PIGQ: variants seen among roughly 807,000 people sequenced by gnomAD.
The protein encoded by PIGQ is phosphatidylinositol glycan anchor biosynthesis class Q, also known as phosphatidylinositol N-acetylglucosaminyltransferase subunit Q.
PIGQ carries 54 observed loss-of-function variants against 60.3 expected under a neutral mutation model. The ratio of observed to expected loss-of-function variants is 0.90; its 90% CI spans 0.72 to 1.12. The LOEUF is 1.12. Among genes scored for constraint, PIGQ ranks in the 50% most tolerant of loss-of-function variants. The pLI, the probability that PIGQ is intolerant of heterozygous loss-of-function variation, is 0.00. For missense variants in PIGQ, 799 were observed against 793.5 expected, an observed-to-expected ratio of 1.01 and a Z score of -0.08; for synonymous variants, 416 against 363.7, an observed-to-expected ratio of 1.14 and a Z score of -1.64.
chr16:576,607 G>A lies in PIGQ; in HGVS notation c.942+353G>A, dbSNP rs1056181316. ...TCCTGGCTCTCTGGGGCCCTCTGCA[G>A]AGCCAGGGTCATGAAACCTTTCCTG... On this transcript the variant is annotated intron_variant, in intron 4 of 10. Transcript: ENST00000321878. 8.3e-6 allele frequency: 4 copies of A among 484,224 alleles called. No homozygotes were observed. In the East Asian group the frequency reaches 1.2e-4, roughly 15 times the overall value. The allele number at this position is 484,224 out of a possible 1,614,324, so 30.0% of individuals were successfully genotyped here.
intron 2 of PIGQ, among the ~76,000 whole-genome samples, chr16:575,457 G>A (rs1018947109): frequency 8.5e-5 from 13 of 152,182 alleles, no homozygotes; most frequent in African/African-American, 2.9e-4. Flanking sequence ...TACTCTGGAA[G>A]CCTGGGGTGA....
chr16:583,722 C>T lies in PIGQ; in HGVS notation c.*687C>T, dbSNP rs563798371. 7.8e-4 allele frequency: 1,126 copies of T among 1,441,532 alleles called. 15 individuals carry two copies. In the South Asian group the frequency reaches 0.012, roughly 15 times the overall value. 89.3% of individuals were successfully genotyped at this position (1,441,532 alleles called of 1,614,324 possible). On this transcript the variant is annotated 3_prime_UTR_variant, in exon 11 of 11. Coordinates refer to ENST00000321878, the MANE Select transcript of PIGQ (RefSeq NM_004204.5). Reference sequence around the variant, plus strand: ...TCAAGGGCCCGCCCACTGACCCAGCCGTACCTATTCGTCCACGGTGCCCCG... The same window carrying T: ...TCAAGGGCCCGCCCACTGACCCAGCTGTACCTATTCGTCCACGGTGCCCCG...
intron 8 of PIGQ, chr16:580,550 G>A: frequency 1.8e-6 from 1 of 552,690 alleles, no homozygotes; most frequent in Admixed American, 3.0e-5. Context: ...CCTGGCACTG[G>A]GGCAGACAGT....
intron 9 of PIGQ, chr16:581,179 G>C: frequency 6.9e-7 from 1 of 1,446,300 alleles, no homozygotes; most frequent in East Asian, 2.6e-5. Flanking sequence ...GAGAGACTCA[G>C]AGACTCACCT....
At chr16:578,678 C>G in intron 5 of PIGQ, 107 bp from the exon 6 acceptor site, 1 of 1,469,170 alleles carries the variant, frequency 6.8e-7, no homozygotes, top group Non-Finnish European at 9.4e-7. Context: ...GAGGGCTGAC[C>G]CCACCCTGCC....
chr16:576,174 C>G lies in PIGQ; in HGVS notation c.862C>G (p.Leu288Val). The stretch of plus-strand genomic sequence containing the variant: ...GGCCTCTGTGCTGCTGGACGTGGCC[C>G]TGGGCCTCATGCTGCTGTCCTGGCT... The part of the protein sequence containing the change: ...TVASVLLDVA[L>V]GLMLLSWLHG... Residue 288 changes from leucine (L) to valine (V), a missense_variant, in exon 4 of 11, where the codon CTG becomes GTG. By Grantham distance (32) the Leu-to-Val change is conservative. Transcript: ENST00000321878. The G allele has an allele frequency of 6.5e-7, 1 of 1,549,740 alleles. No homozygotes were observed. Among genetic ancestry groups the G allele is most frequent in the South Asian group, 1.2e-5 (1 of 84,076 alleles).
chr16:583,745 C>T lies in PIGQ; in HGVS notation c.*710C>T, dbSNP rs1342829335. 3.1e-6 allele frequency: 4 copies of T among 1,293,962 alleles called. No homozygotes were observed. The East Asian group carries it at 7.0e-5, about 23-fold the overall frequency. 80.2% of individuals were successfully genotyped at this position (1,293,962 alleles called of 1,614,324 possible). A position where few individuals can be genotyped will look rare whatever the true frequency, so the allele number is the denominator to read the frequency against. On this transcript the variant is annotated 3_prime_UTR_variant, in exon 11 of 11. Coordinates refer to ENST00000321878, the MANE Select transcript of PIGQ (RefSeq NM_004204.5). ...GCCGTACCTATTCGTCCACGGTGCC[C>T]CGTAGCAGCAGGTCCTGCGGCCAAA...
intron 4 of PIGQ, 106 bp from the exon 5 acceptor site, chr16:578,273 G>A: frequency 2.5e-6 from 3 of 1,184,774 alleles, no homozygotes; most frequent in Non-Finnish European, 3.5e-6. Context: ...AGACCCTGGA[G>A]GAGGGAAGGC....
chr16:583,677 G>A lies in PIGQ; in HGVS notation c.*642G>A, dbSNP rs911529370. ...TGTGAGCATCGCCAGGCTGCTGTGG[G>A]GGCGGGAGCAGCCTCAGTGTCAAGG... On this transcript the variant is annotated 3_prime_UTR_variant, in exon 11 of 11. Transcript: ENST00000321878. The A allele has an allele frequency of 6.2e-7, 1 of 1,605,558 alleles. No homozygotes were observed. The highest frequency in any genetic ancestry group is 8.5e-7 in the Non-Finnish European group (1 of 1,175,744).
rs1362307826 is a variant in PIGQ at position 582,301 on chromosome 16, C to T, written c.1585C>T (p.Leu529=). The stretch of plus-strand genomic sequence containing the variant: ...CGAGGCCGGCAGGCCCCTCCGCCTC[C>T]TGATGCAGGTGAGGCCCCTTGTGGC... ...RHEAGRPLRL[L]MQINPLPYSR... Residue 529 remains leucine, a synonymous_variant, in exon 10 of 11, where the codon CTG becomes TTG. Coordinates refer to ENST00000321878, the MANE Select transcript of PIGQ (RefSeq NM_004204.5). 5 of 1,600,174 alleles carry T rather than the reference C, an allele frequency of 3.1e-6. No individual in the cohort carries two copies. Among genetic ancestry groups the T allele is most frequent in the Non-Finnish European group, 4.3e-6 (5 of 1,172,004 alleles).
chr16:574,885 C>T (rs2035694740), intron 2 of PIGQ, 122 bp downstream of exon 2: 1 of 757,204 alleles, frequency 1.3e-6, no homozygotes, highest in Admixed American at 2.9e-5. Context: ...CCCCCTCCCA[C>T]TCCTGCAGCC....
intron 6 of PIGQ, 32 bp from the exon 7 acceptor site, chr16:579,037 G>A (rs563277881): frequency 3.8e-6 from 6 of 1,570,420 alleles, no homozygotes; most frequent in Admixed American, 1.7e-5. Flanking sequence ...GGGGCGGGGC[G>A]GGGCCGGGCC....
At chr16:580,428 C>T (rs1374470125) in intron 8 of PIGQ, 165 bp downstream of exon 8, 8 of 587,646 alleles carry the variant, frequency 1.4e-5, no homozygotes, top group Non-Finnish European at 2.1e-5. Context: ...CTGGAGTGGG[C>T]GAGGCCCTAT....
In PIGQ at chr16:578,449, G is replaced by T. The variant is rs764593544; in HGVS notation, c.1013G>T (p.Arg338Leu). Reference sequence around the variant, plus strand: ...GCTCCCGCCGGGCTCAAGATGAACCGTGCACTGGACCAGGTGCTGGGCCGC... The same window carrying T: ...GCTCCCGCCGGGCTCAAGATGAACCTTGCACTGGACCAGGTGCTGGGCCGC... ...MGAPAGLKMN[R>L]ALDQVLGRFF... The change falls in exon 5 of 11, where the codon CGT becomes CTT. Residue 338 changes from arginine to leucine, a missense_variant. Transcript: ENST00000321878. The T allele has an allele frequency of 6.2e-7, 1 of 1,612,654 alleles. No homozygotes were observed. The highest frequency in any genetic ancestry group is 1.1e-5 in the South Asian group (1 of 91,090).
At position 583,599 on chromosome 16, in the gene PIGQ, T is replaced by A; in HGVS notation, c.*564T>A. ...CTCACTCCCTGAACCACACGGGGTT[T>A]ATTTGCGGATGTTCCCTGGAGAGGT... On this transcript the variant is annotated 3_prime_UTR_variant, in exon 11 of 11. Transcript: ENST00000321878. 1 of 1,612,774 alleles carries A rather than the reference T, an allele frequency of 6.2e-7. No homozygotes were observed. The highest frequency in any genetic ancestry group is 8.5e-7 in the Non-Finnish European group (1 of 1,179,954).
chr16:583,190 G>A lies in PIGQ; in HGVS notation c.*155G>A, dbSNP rs1470604489. The A allele has an allele frequency of 6.2e-7, 1 of 1,613,320 alleles. No individual in the cohort carries two copies. The highest frequency in any genetic ancestry group is 8.5e-7 in the Non-Finnish European group (1 of 1,179,998). ...GGCCCTGCTATCACACCTTGGGCTT[G>A]GAGGTCATTGGGAGTGAGCAGATGT... On this transcript the variant is annotated 3_prime_UTR_variant, in exon 11 of 11. Transcript: ENST00000321878.
intron 1 of PIGQ, among the ~76,000 whole-genome samples, chr16:571,041 G>T (rs550395809): frequency 3.0e-3 from 31 of 10,318 alleles, no homozygotes; most frequent in African/African-American, 0.011. Context: ...TGGCGCCCGT[G>T]TGTGTGTGTG....
chr16:575,136 C>T (rs1395961951), intron 2 of PIGQ, among the ~76,000 whole-genome samples: 1 of 152,224 alleles, frequency 6.6e-6, no homozygotes, highest in Non-Finnish European at 1.5e-5. Flanking sequence ...CTCCCTGTAG[C>T]CCTGCCTGTG....
chr16:583,065 CA>C lies in PIGQ; in HGVS notation c.*31del. ...ACTGCTGGCTCGCCTGGCACCACCA[CA>C]CGGCCACAGCCAGCCATCTGCTCTG... On this transcript the variant is annotated 3_prime_UTR_variant, in exon 11 of 11. Transcript: ENST00000321878. 6.2e-7 allele frequency: 1 copy of C among 1,612,976 alleles called. No individual in the cohort carries two copies. The highest frequency in any genetic ancestry group is 8.5e-7 in the Non-Finnish European group (1 of 1,179,978).
Sources: gnomAD v4.1 joint callset for allele counts (sites outside exome capture counted in the v4.1 genomes callset) on GRCh38, gnomAD v4.1.1 for gene constraint, MANE v1.5 for transcripts, NCBI Gene and HGNC (gene_info 2026-07-23, HGNC 2026-07-21) for gene names.